The following RBFOX3 variants were observed in gnomAD, a reference collection of about 807,000 sequenced individuals.
RBFOX3 encodes the protein RNA binding fox-1 homolog 3, also known as RNA binding protein fox-1 homolog 3.
A neutral mutation model predicts 48.7 loss-of-function variants in RBFOX3; 17 were observed. The observed-to-expected ratio is 0.35, with a 90% confidence interval of 0.24 to 0.52. RBFOX3 has a LOEUF of 0.52. Ranked by LOEUF, RBFOX3 falls within the 20% of genes least tolerant of loss-of-function variation. The pLI, the probability that RBFOX3 is intolerant of heterozygous loss-of-function variation, is 0.94. For synonymous variants in RBFOX3, 212 were observed against 209.5 expected (o/e 1.01, Z -0.10); for missense variants, 382 against 497.5 (o/e 0.77, Z 2.21).
chr17:79,450,258 G>A lies in RBFOX3; in HGVS notation c.-175+32196C>T, dbSNP rs61023308. On this transcript the variant is annotated intron_variant, in intron 2 of 14. Coordinates refer to ENST00000693108, the MANE Select transcript of RBFOX3 (RefSeq NM_001350451.2). ...GAGAGTTAAGCAGAAAGGAAAAGAG[G>A]CCATTTCCAATTTCAATTCTAATCA... is the stretch of plus-strand genomic sequence containing the variant. 5.7e-3 allele frequency among the ~76,000 whole-genome samples: 867 copies of A among 152,326 alleles called. 8 individuals carry two copies. Among genetic ancestry groups the A allele is most frequent in the African/African-American group, 0.019 (778 of 41,566 alleles).
At chr17:79,223,415 C>T (rs372149494) in intron 4 of RBFOX3, among the ~76,000 whole-genome samples, 29 of 152,356 alleles carry the variant, frequency 1.9e-4, no homozygotes, top group East Asian at 1.2e-3. Flanking sequence ...CACATACACA[C>T]CTCTGCACGC....
At chr17:79,305,204 A>C (rs926372999) in intron 3 of RBFOX3, among the ~76,000 whole-genome samples, 1 of 151,632 alleles carries the variant, frequency 6.6e-6, no homozygotes, top group Non-Finnish European at 1.5e-5. Context: ...GAGCCACTAA[A>C]GGGTTCTTGC....
chr17:79,548,279 A>G (rs1035291418), intron 1 of RBFOX3, among the ~76,000 whole-genome samples: 3 of 152,150 alleles, frequency 2.0e-5, no homozygotes, highest in African/African-American at 4.8e-5. Context: ...CCACCAGAGC[A>G]CTGGGGTCTC....
intron 1 of RBFOX3, among the ~76,000 whole-genome samples, chr17:79,486,870 A>C (rs1254522906): frequency 1.3e-5 from 2 of 152,170 alleles, no homozygotes; most frequent in Non-Finnish European, 2.9e-5. Context: ...GGCTGCTTCA[A>C]CCTGCTGCAG....
At chr17:79,616,582 A>AACAAACACACACACACAC in the RBFOX3 span, among the ~76,000 whole-genome samples, 33 of 145,652 alleles carry the variant, frequency 2.3e-4, 1 homozygote, top group African/African-American at 7.9e-4. Context: ...TCTCTATACA[A>AACAAACACACACACACAC]ACACACACAC....
chr17:79,264,447 C>A (rs1375623407), intron 3 of RBFOX3, among the ~76,000 whole-genome samples: 1 of 151,868 alleles, frequency 6.6e-6, no homozygotes, highest in Non-Finnish European at 1.5e-5. Context: ...TCAAGCGATT[C>A]TCCTGCCTCA....
At chr17:79,264,169 G>A (rs1023303456) in intron 3 of RBFOX3, among the ~76,000 whole-genome samples, 6 of 151,088 alleles carry the variant, frequency 4.0e-5, no homozygotes, top group East Asian at 2.0e-4. Context: ...TTCAGCTCCC[G>A]GATTCAAGTG....
intron 2 of RBFOX3, among the ~76,000 whole-genome samples, chr17:79,419,611 C>T (rs1309449996): frequency 6.6e-6 from 1 of 152,216 alleles, no homozygotes; most frequent in African/African-American, 2.4e-5. Context: ...CCTTCATCTC[C>T]AGACCTCAGC....
chr17:79,576,737 G>C (rs1479510791), intron 1 of RBFOX3, among the ~76,000 whole-genome samples: 1 of 152,088 alleles, frequency 6.6e-6, no homozygotes, highest in Non-Finnish European at 1.5e-5. Context: ...AGATGGAGAT[G>C]ATGGAGATCA....
intron 4 of RBFOX3, among the ~76,000 whole-genome samples, chr17:79,136,689 C>G (rs931748044): frequency 2.6e-5 from 4 of 152,162 alleles, no homozygotes; most frequent in African/African-American, 9.7e-5. Context: ...CTGATCCTCA[C>G]CCGGAACCGA....
chr17:79,641,328 G>A, the RBFOX3 span, among the ~76,000 whole-genome samples: 2 of 152,138 alleles, frequency 1.3e-5, no homozygotes, highest in African/African-American at 4.8e-5. Flanking sequence ...GCGAAGAAAA[G>A]GGAAACCTTG....
chr17:79,319,266 A>T (rs12949118), intron 2 of RBFOX3, among the ~76,000 whole-genome samples: 1 of 152,122 alleles, frequency 6.6e-6, no homozygotes, highest in African/African-American at 2.4e-5. Context: ...GCACTGTATC[A>T]CCAAGAAGTA....
intron 2 of RBFOX3, among the ~76,000 whole-genome samples, chr17:79,441,561 G>T (rs1221469923): frequency 6.6e-6 from 1 of 152,316 alleles, no homozygotes; most frequent in African/African-American, 2.4e-5. Flanking sequence ...CTGGGAGAGA[G>T]GCCAGGGACA....
chr17:79,549,741 TCTGA>T, intron 1 of RBFOX3, among the ~76,000 whole-genome samples: 1 of 152,304 alleles, frequency 6.6e-6, no homozygotes, highest in Middle Eastern at 3.4e-3. Context: ...GGGAAAGGAA[TCTGA>T]CTGTCACCAT....
intron 2 of RBFOX3, among the ~76,000 whole-genome samples, chr17:79,436,742 G>T (rs1320814714): frequency 6.6e-6 from 1 of 152,156 alleles, no homozygotes; most frequent in Non-Finnish European, 1.5e-5. Flanking sequence ...TTTCCCACAG[G>T]TGGCTATCCA....
At chr17:79,411,084 A>T (rs532909249) in intron 2 of RBFOX3, among the ~76,000 whole-genome samples, 81 of 152,364 alleles carry the variant, frequency 5.3e-4, no homozygotes, top group African/African-American at 1.4e-3. Flanking sequence ...AAATAAAAAC[A>T]GCAACAGGAA....
intron 3 of RBFOX3, among the ~76,000 whole-genome samples, chr17:79,240,597 T>G (rs2062216852): frequency 1.3e-5 from 2 of 152,234 alleles, no homozygotes; most frequent in Admixed American, 1.3e-4. Flanking sequence ...TTCCTACCCT[T>G]GATACCAAGA....
chr17:79,464,413 T>C (rs1406265711), intron 2 of RBFOX3, among the ~76,000 whole-genome samples: 2 of 152,188 alleles, frequency 1.3e-5, no homozygotes, highest in African/African-American at 4.8e-5. Flanking sequence ...AGGATGCCCA[T>C]CAAGGCGGAG....
intron 2 of RBFOX3, among the ~76,000 whole-genome samples, chr17:79,371,010 G>A (rs2058466759): frequency 7.6e-6 from 1 of 131,658 alleles, no homozygotes; most frequent in Non-Finnish European, 1.7e-5. Context: ...TAGGGGGTTA[G>A]GGAGGGAAGG....
Sources: allele counts gnomAD v4.1 joint callset (sites outside exome capture counted in the v4.1 genomes callset), GRCh38; gene constraint gnomAD v4.1.1; transcripts MANE v1.5; gene names NCBI Gene and HGNC (gene_info 2026-07-23, HGNC 2026-07-21).